GUCY2F: variants seen among roughly 807,000 people sequenced by gnomAD.
GUCY2F encodes the protein guanylate cyclase 2F, retinal.
In GUCY2F, 61 loss-of-function variants were observed where a neutral mutation model predicts 73.1. The ratio of observed to expected loss-of-function variants is 0.83; its 90% CI spans 0.68 to 1.03. The LOEUF (loss-of-function observed/expected upper bound fraction) is 1.03. GUCY2F is among the 50% of genes least tolerant of loss of function. GUCY2F has a pLI of 0.00. For synonymous variants in GUCY2F, 331 were observed against 307.8 expected (o/e 1.08, Z -0.79); for missense variants, 912 against 854.3 (o/e 1.07, Z -0.84).
chrX:109,377,235 G>A (rs900479798), intron 17 of GUCY2F, among the ~76,000 whole-genome samples: 1 of 111,839 alleles, frequency 8.9e-6, no homozygotes, highest in African/African-American at 3.3e-5. Context: ...TATGAGGCAA[G>A]TAGAAAGAGC....
At chrX:109,437,436 C>T (rs1931777048) in intron 7 of GUCY2F, among the ~76,000 whole-genome samples, 1 of 112,524 alleles carries the variant, frequency 8.9e-6, no homozygotes, top group African/African-American at 3.2e-5. Flanking sequence ...CAGTTACATA[C>T]AGATGTTTAT....
chrX:109,421,658 T>C (rs1386342960), intron 8 of GUCY2F, among the ~76,000 whole-genome samples: 1 of 111,845 alleles, frequency 8.9e-6, no homozygotes, highest in East Asian at 2.8e-4. Flanking sequence ...GAAAAAGTTC[T>C]GGAGATATGT....
At chrX:109,447,460 T>C (rs752148553) in intron 6 of GUCY2F, among the ~76,000 whole-genome samples, 2 of 109,722 alleles carry the variant, frequency 1.8e-5, no homozygotes, top group East Asian at 5.8e-4. Flanking sequence ...AAATGATGAG[T>C]TCATGTCCTT....
chrX:109,439,451 C>A (rs1240912043), intron 7 of GUCY2F, among the ~76,000 whole-genome samples: 4 of 111,519 alleles, frequency 3.6e-5, no homozygotes, highest in African/African-American at 1.3e-4. Flanking sequence ...TTTTGTCACA[C>A]TCTTGGTTTT....
chrX:109,465,547 G>A lies in GUCY2F; in HGVS notation c.731-104C>T, dbSNP rs771649239. 29 of 598,998 alleles carry A rather than the reference G, an allele frequency of 4.8e-5. No homozygotes were observed. In the South Asian group the frequency reaches 8.0e-4, roughly 17 times the overall value. The allele number at this position is 598,998 out of a possible 1,213,427, so 49.4% of individuals were successfully genotyped here. A position where few individuals can be genotyped will look rare whatever the true frequency, so the allele number is the denominator to read the frequency against. ...TAAATGTGTTCTAACCAATTTGTAA[G>A]TGGTTTCTTATGCCTCCAAGATAAG... On this transcript the variant is annotated intron_variant, in intron 2 of 19. Coordinates refer to ENST00000218006, the MANE Select transcript of GUCY2F (RefSeq NM_001522.3).
At chrX:109,465,090 A>T in intron 3 of GUCY2F, 52 bp downstream of exon 3, 1 of 937,063 alleles carries the variant, frequency 1.1e-6, no homozygotes, top group Non-Finnish European at 1.5e-6. Flanking sequence ...ATAATTTACC[A>T]TGCTGATGTT....
At chrX:109,419,699 C>T (rs745411032) in intron 8 of GUCY2F, among the ~76,000 whole-genome samples, 145 of 109,663 alleles carry the variant, frequency 1.3e-3, no homozygotes, top group Admixed American at 0.012. Flanking sequence ...TGACATATAC[C>T]ACATTAATGG....
At chrX:109,452,772 A>G (rs1461475260) in intron 4 of GUCY2F, among the ~76,000 whole-genome samples, 2 of 111,831 alleles carry the variant, frequency 1.8e-5, no homozygotes, top group Admixed American at 1.9e-4. Flanking sequence ...TGTATGGTAT[A>G]CAGTTGCATA....
At position 109,393,012 on chromosome X, in the gene GUCY2F, G is replaced by T. The variant is rs1032475266; in HGVS notation, c.2468C>A (p.Ser823Tyr). 1.8e-6 allele frequency: 2 copies of T among 1,115,565 alleles called. No individual in the cohort carries two copies. The highest frequency in any genetic ancestry group is 2.5e-6 in the Non-Finnish European group (2 of 810,007). 91.9% of individuals were successfully genotyped at this position (1,115,565 alleles called of 1,213,427 possible). Residue 823 changes from serine to tyrosine, a missense_variant, in exon 13 of 20, where the codon TCT (serine) becomes TAT (tyrosine). By Grantham distance (144) the Ser-to-Tyr change is moderately radical. Transcript: ENST00000218006. ...NKGKKTNIID[S>Y]MLRMLEQYSS... Reference sequence around the variant, plus strand: ...ATATTGCTCCAACATCCGAAGCATAGAATCAATAATATTGGTCTTCTTCCC... The same window carrying T: ...ATATTGCTCCAACATCCGAAGCATATAATCAATAATATTGGTCTTCTTCCC...
Position 109,475,518 on chromosome X carries a change from T to C in GUCY2F, c.419A>G (p.Asn140Ser). The C allele has an allele frequency of 1.7e-6, 2 of 1,210,901 alleles. No homozygotes were observed. Among genetic ancestry groups the C allele is most frequent in the Non-Finnish European group, 2.2e-6 (2 of 894,656 alleles). ...GYCEAASLLG[N>S]SWDKGIFSWA... ...AGAGAAAATTCCTTTGTCCCAGCTGTTTCCCAGGAGCGAGGCTGCCTCGCA... is the reference window on the plus strand; with the variant it reads ...AGAGAAAATTCCTTTGTCCCAGCTGCTTCCCAGGAGCGAGGCTGCCTCGCA... Residue 140 changes from asparagine (N) to serine (S), a missense_variant, in exon 2 of 20, where the codon AAC becomes AGC. By Grantham distance (46) the Asn-to-Ser change is conservative. Coordinates refer to ENST00000218006, the MANE Select transcript of GUCY2F (RefSeq NM_001522.3).
At chrX:109,428,464 G>A (rs890943528) in intron 8 of GUCY2F, among the ~76,000 whole-genome samples, 1 of 111,678 alleles carries the variant, frequency 9.0e-6, no homozygotes. Context: ...TAATTGATCT[G>A]AATTCATCAA....
At chrX:109,439,145 G>A (rs1364790039) in intron 7 of GUCY2F, among the ~76,000 whole-genome samples, 1 of 111,974 alleles carries the variant, frequency 8.9e-6, no homozygotes, top group African/African-American at 3.2e-5. Context: ...GACCAGCTGA[G>A]TCACAACTGG....
At chrX:109,422,282 ATGAG>A (rs1426247068) in intron 8 of GUCY2F, among the ~76,000 whole-genome samples, 1 of 111,843 alleles carries the variant, frequency 8.9e-6, no homozygotes, top group African/African-American at 3.2e-5. Context: ...GCTAAGTTAA[ATGAG>A]TGAGTCACAA....
At chrX:109,457,953 A>C (rs1932292260) in intron 3 of GUCY2F, among the ~76,000 whole-genome samples, 1 of 111,843 alleles carries the variant, frequency 8.9e-6, no homozygotes, top group African/African-American at 3.2e-5. Flanking sequence ...TAGGCATCAA[A>C]CCCTAATTCA....
chrX:109,474,595 A>G (rs1405221768), intron 2 of GUCY2F, among the ~76,000 whole-genome samples: 1 of 111,983 alleles, frequency 8.9e-6, no homozygotes, highest in African/African-American at 3.2e-5. Flanking sequence ...TAAAATTTAG[A>G]CAGTCTTTTC....
At chrX:109,441,677 T>C (rs1398506849) in intron 6 of GUCY2F, among the ~76,000 whole-genome samples, 195 bp from the exon 7 acceptor site, 2 of 110,415 alleles carry the variant, frequency 1.8e-5, no homozygotes, top group Non-Finnish European at 3.8e-5. Context: ...TTAACCACCA[T>C]GCAGCACCAA....
At chrX:109,453,408 A>T in intron 4 of GUCY2F, 97 bp downstream of exon 4, 1 of 482,910 alleles carries the variant, frequency 2.1e-6, no homozygotes, top group Non-Finnish European at 3.6e-6. Flanking sequence ...AACTGATTTT[A>T]TGAGTGTTTC....
At chrX:109,375,873 G>C in intron 19 of GUCY2F, 25 bp downstream of exon 19, 1 of 1,125,916 alleles carries the variant, frequency 8.9e-7, no homozygotes, top group Admixed American at 2.2e-5. Context: ...AAGCTGCTGT[G>C]CTCTGTTTTC....
At chrX:109,426,471 C>T (rs1321558936) in intron 8 of GUCY2F, among the ~76,000 whole-genome samples, 2 of 112,210 alleles carry the variant, frequency 1.8e-5, no homozygotes, top group African/African-American at 6.5e-5. Context: ...TCACTGCAAG[C>T]TCCGCCTCCC....
Sources: gnomAD v4.1 joint callset for allele counts (sites outside exome capture counted in the v4.1 genomes callset) on GRCh38, gnomAD v4.1.1 for gene constraint, MANE v1.5 for transcripts, NCBI Gene and HGNC (gene_info 2026-07-23, HGNC 2026-07-21) for gene names.